The following ACSL3 variants were observed in gnomAD, a reference collection of about 807,000 sequenced individuals.
ACSL3 encodes fatty acid CoA ligase Acsl3.
A neutral mutation model predicts 84.7 loss-of-function variants in ACSL3; 34 were observed. That is an observed-to-expected ratio of 0.40 (90% CI 0.31 to 0.53). ACSL3 has a LOEUF of 0.53. Ranked by LOEUF, ACSL3 falls within the 20% of genes least tolerant of loss-of-function variation. The pLI, the probability that ACSL3 is intolerant of heterozygous loss-of-function variation, is 0.48. For synonymous variants in ACSL3, 315 were observed against 299.4 expected (o/e 1.05, Z -0.54); for missense variants, 680 against 873.1 (o/e 0.78, Z 2.79).
At chr2:222,939,527 G>A (rs771416933) in intron 16 of ACSL3, among the ~76,000 whole-genome samples, 6 of 152,096 alleles carry the variant, frequency 3.9e-5, no homozygotes, top group Non-Finnish European at 7.3e-5. Flanking sequence ...CCAACCTGGT[G>A]CCCTGTTCCT....
chr2:222,933,353 C>A (rs1559303723), intron 15 of ACSL3, 73 bp downstream of exon 15: 2 of 1,051,452 alleles, frequency 1.9e-6, no homozygotes, highest in African/African-American at 3.2e-5. Context: ...CCTGTATGGA[C>A]CTTCTTTGTA....
chr2:222,866,753 GCCCCCCCCCCCCCCCC>G (rs1237425837), intron 1 of ACSL3, among the ~76,000 whole-genome samples: 5 of 18,710 alleles, frequency 2.7e-4, no homozygotes, highest in Non-Finnish European at 4.0e-4. Context: ...TGCCCCCCCC[GCCCCCCCCCCCCCCCC>G]CCCCCCCCGC....
intron 1 of ACSL3, among the ~76,000 whole-genome samples, chr2:222,870,349 CTTT>C (rs1335713782): frequency 6.6e-6 from 1 of 152,168 alleles, no homozygotes; most frequent in Non-Finnish European, 1.5e-5. Flanking sequence ...GTCTCTTCCT[CTTT>C]TGACATCTCA....
At position 222,918,040 on chromosome 2, in the gene ACSL3, T is replaced by C. The variant is rs748321112; in HGVS notation, c.557-6T>C. ...ATATTTGACTGGCTGCTGCTTTTCC[T>C]TTTAGTTGTTACATTATATGCCACT... On this transcript the variant is annotated splice_polypyrimidine_tract_variant and splice_region_variant and intron_variant, in intron 5 of 16. Transcript: ENST00000357430. 6.3e-7 allele frequency: 1 copy of C among 1,595,990 alleles called. No individual in the cohort carries two copies. Among genetic ancestry groups the C allele is most frequent in the Admixed American group, 1.7e-5 (1 of 58,694 alleles).
chr2:222,862,766 C>T (rs996226814), intron 1 of ACSL3, among the ~76,000 whole-genome samples: 2 of 152,084 alleles, frequency 1.3e-5, no homozygotes, highest in African/African-American at 4.8e-5. Flanking sequence ...TCCATTGGAC[C>T]TAAGGGTCAA....
chr2:222,929,836 C>A (rs191742252), intron 13 of ACSL3, among the ~76,000 whole-genome samples: 1 of 151,036 alleles, frequency 6.6e-6, no homozygotes. Context: ...CTATCTTTAG[C>A]AGAATTAGTG....
chr2:222,864,740 A>G (rs1209430286), intron 1 of ACSL3, among the ~76,000 whole-genome samples: 1 of 152,124 alleles, frequency 6.6e-6, no homozygotes, highest in East Asian at 1.9e-4. Flanking sequence ...GTGGTTGAAT[A>G]TAGACTAGAA....
At chr2:222,926,860 AT>A (rs1696887846) in intron 11 of ACSL3, among the ~76,000 whole-genome samples, 156 bp from the exon 12 acceptor site, 1 of 152,190 alleles carries the variant, frequency 6.6e-6, no homozygotes, top group Admixed American at 6.5e-5. Context: ...AAAAATTAAC[AT>A]TTGGGGCTCA....
chr2:222,941,729 G>A lies in ACSL3; in HGVS notation c.*75G>A. 6.9e-7 allele frequency: 1 copy of A among 1,455,302 alleles called. No homozygotes were observed. 90.1% of individuals were successfully genotyped at this position (1,455,302 alleles called of 1,614,324 possible). ...AAAATACTTGAAATGCATGTCTCAA[G>A]CTGCAAGGCAAACTCCATTCCTCAT... On this transcript the variant is annotated 3_prime_UTR_variant, in exon 17 of 17. Coordinates refer to ENST00000357430, the MANE Select transcript of ACSL3 (RefSeq NM_004457.5).
At position 222,930,644 on chromosome 2, in the gene ACSL3, C is replaced by T. The variant is rs771119376; in HGVS notation, c.1564C>T (p.Pro522Ser). The T allele has an allele frequency of 3.1e-6, 5 of 1,613,040 alleles. No individual in the cohort carries two copies. Among genetic ancestry groups the T allele is most frequent in the Non-Finnish European group, 4.2e-6 (5 of 1,179,468 alleles). ...EEGGYFNTDK[P>S]HPRGEILIGG... ...AGGTGGATACTTTAATACTGATAAG[C>T]CACACCCCAGGGGTGAAATTCTTAT... The change falls in exon 14 of 17, where the codon CCA (proline) becomes TCA (serine). Residue 522 changes from proline to serine, a missense_variant. Coordinates refer to ENST00000357430, the MANE Select transcript of ACSL3 (RefSeq NM_004457.5).
At chr2:222,918,283 A>G (rs1343145077) in intron 6 of ACSL3, 128 bp downstream of exon 6, 3 of 487,394 alleles carry the variant, frequency 6.2e-6, no homozygotes, top group African/African-American at 5.9e-5. Context: ...TATGAATATC[A>G]TACTTTATTT....
chr2:222,939,028 G>A (rs1697240636), intron 16 of ACSL3, among the ~76,000 whole-genome samples: 1 of 151,296 alleles, frequency 6.6e-6, no homozygotes, highest in Admixed American at 6.6e-5. Context: ...TTTTTTTCAG[G>A]TGTCTGTCTG....
chr2:222,873,665 C>T (rs558218857), intron 1 of ACSL3, among the ~76,000 whole-genome samples: 2 of 152,200 alleles, frequency 1.3e-5, no homozygotes, highest in African/African-American at 4.8e-5. Context: ...AATATTTAAC[C>T]TACTTCTCAT....
rs563464749 is a variant in ACSL3 at position 222,942,008 on chromosome 2, G to A, written c.*354G>A. Reference sequence around the variant, plus strand: ...CAGTTTGTAACTTTTTAAAAGTTTGGATGTATAGAGGGATAAATAGGAAAT... The same window carrying A: ...CAGTTTGTAACTTTTTAAAAGTTTGAATGTATAGAGGGATAAATAGGAAAT... On this transcript the variant is annotated 3_prime_UTR_variant, in exon 17 of 17. Coordinates refer to ENST00000357430, the MANE Select transcript of ACSL3 (RefSeq NM_004457.5). 8.6e-6 allele frequency: 2 copies of A among 232,980 alleles called. No individual in the cohort carries two copies. Among genetic ancestry groups the A allele is most frequent in the South Asian group, 3.6e-4 (2 of 5,522 alleles). The allele number at this position is 232,980 out of a possible 1,614,324, so 14.4% of individuals were successfully genotyped here. A position where few individuals can be genotyped will look rare whatever the true frequency, so the allele number is the denominator to read the frequency against.
In ACSL3 at chr2:222,930,657, G is replaced by C. The variant is rs1167561446; in HGVS notation, c.1577G>C (p.Gly526Ala). Reference protein sequence around the residue: ...YFNTDKPHPRGEILIGGQSVT... With the variant: ...YFNTDKPHPRAEILIGGQSVT... Reference sequence around the variant, plus strand: ...AATACTGATAAGCCACACCCCAGGGGTGAAATTCTTATTGGGGGCCAAAGT... The same window carrying C: ...AATACTGATAAGCCACACCCCAGGGCTGAAATTCTTATTGGGGGCCAAAGT... The change falls in exon 14 of 17, where the codon GGT becomes GCT. Residue 526 changes from glycine to alanine, a missense_variant. Physicochemically the swap from Gly to Ala is moderately conservative, Grantham distance 60. Transcript: ENST00000357430. The C allele has an allele frequency of 3.1e-6, 5 of 1,614,006 alleles. No individual in the cohort carries two copies. The highest frequency in any genetic ancestry group is 4.2e-6 in the Non-Finnish European group (5 of 1,179,934).
intron 11 of ACSL3, among the ~76,000 whole-genome samples, chr2:222,924,890 G>T (rs181608837): frequency 1.2e-4 from 18 of 152,212 alleles, no homozygotes; most frequent in African/African-American, 4.1e-4. Flanking sequence ...GCGGGGCTTG[G>T]TGGCGGGCGC....
intron 16 of ACSL3, among the ~76,000 whole-genome samples, chr2:222,938,461 A>G (rs1375643394): frequency 2.0e-5 from 3 of 152,040 alleles, no homozygotes; most frequent in African/African-American, 7.2e-5. Context: ...TTTTTCTTTC[A>G]GTATTTTGAA....
chr2:222,884,495 C>A (rs1259464836), intron 1 of ACSL3, among the ~76,000 whole-genome samples: 1 of 152,164 alleles, frequency 6.6e-6, no homozygotes, highest in Non-Finnish European at 1.5e-5. Context: ...CAGGGAAGAA[C>A]CTGTTCCTTG....
At chr2:222,927,860 T>G (rs988945343) in intron 12 of ACSL3, among the ~76,000 whole-genome samples, 1 of 152,220 alleles carries the variant, frequency 6.6e-6, no homozygotes, top group African/African-American at 2.4e-5. Context: ...TTATTTTGAG[T>G]GGCTCTGTAT....
Sources: gnomAD v4.1 joint callset for allele counts (sites outside exome capture counted in the v4.1 genomes callset) on GRCh38, gnomAD v4.1.1 for gene constraint, MANE v1.5 for transcripts, NCBI Gene and HGNC (gene_info 2026-07-23, HGNC 2026-07-21) for gene names.